Variants in ASXL2 observed in about 807,000 individuals in gnomAD.
The protein encoded by ASXL2 is ASXL transcriptional regulator 2.
In ASXL2, 23 loss-of-function variants were observed where a neutral mutation model predicts 122.0. That is an observed-to-expected ratio of 0.19 (90% CI 0.14 to 0.27). The LOEUF (loss-of-function observed/expected upper bound fraction) is 0.27, where lower values mean the gene tolerates loss of function less well. Among genes scored for constraint, ASXL2 ranks in the 10% least tolerant of loss-of-function variants. ASXL2 has a pLI of 1.00. For synonymous variants in ASXL2, 650 were observed against 637.0 expected (o/e 1.02, Z -0.31); for missense variants, 1,518 against 1,713.8 (o/e 0.89, Z 2.02).
intron 1 of ASXL2, among the ~76,000 whole-genome samples, chr2:25,873,849 C>T (rs2089987381): frequency 6.6e-6 from 1 of 152,068 alleles, no homozygotes; most frequent in Admixed American, 6.6e-5. Flanking sequence ...TACAATCACA[C>T]ACACTTGTCC....
At chr2:25,745,337 C>T (rs930408187) in intron 12 of ASXL2, among the ~76,000 whole-genome samples, 3 of 151,314 alleles carry the variant, frequency 2.0e-5, no homozygotes, top group African/African-American at 4.9e-5. Flanking sequence ...GTCTGCCACC[C>T]GAGTAGCTGG....
At chr2:25,828,508 C>CAAAA (rs753879104) in intron 3 of ASXL2, among the ~76,000 whole-genome samples, 20 of 100,082 alleles carry the variant, frequency 2.0e-4, no homozygotes, top group South Asian at 3.5e-4. Context: ...AACTCCATTT[C>CAAAA]AAAAAAAAAA....
At chr2:25,776,161 T>C (rs773170868) in intron 5 of ASXL2, among the ~76,000 whole-genome samples, 11 of 152,198 alleles carry the variant, frequency 7.2e-5, no homozygotes, top group Non-Finnish European at 1.5e-4. Flanking sequence ...CCGTTACTCA[T>C]CTTTTACCCC....
chr2:25,746,860 C>T (rs6747116), intron 12 of ASXL2, among the ~76,000 whole-genome samples: 113,421 of 152,098 alleles, frequency 0.75, 43,833 homozygotes, highest in Non-Finnish European at 0.83. Context: ...AGCCCTACCC[C>T]GGGAGAGCAG....
At position 25,740,682 on chromosome 2, in the gene ASXL2, TA is replaced by T. The variant is rs2087813606; in HGVS notation, c.*1346del. ...CAAAAACAAGCAACCAAAAAACCTT[TA>T]GGGCTCATTTTCCTTCCTTTCCAGA... On this transcript the variant is annotated 3_prime_UTR_variant, in exon 13 of 13. Coordinates refer to ENST00000435504, the MANE Select transcript of ASXL2 (RefSeq NM_018263.6). 4.5e-6 allele frequency: 1 copy of T among 222,278 alleles called. No homozygotes were observed. Among genetic ancestry groups the T allele is most frequent in the Non-Finnish European group, 9.0e-6 (1 of 111,256 alleles). The allele number at this position is 222,278 out of a possible 1,614,324, so 13.8% of individuals were successfully genotyped here.
At chr2:25,806,379 A>T (rs1210709257) in intron 3 of ASXL2, 42 bp from the exon 4 acceptor site, 2 of 1,369,552 alleles carry the variant, frequency 1.5e-6, no homozygotes, top group Non-Finnish European at 1.0e-6. Context: ...CACAACAATT[A>T]ATTTCTGTCT....
intron 11 of ASXL2, among the ~76,000 whole-genome samples, chr2:25,752,635 G>A: frequency 6.6e-6 from 1 of 152,046 alleles, no homozygotes; most frequent in East Asian, 1.9e-4. Flanking sequence ...ATCACCTGAA[G>A]TCAGGAGTTC....
intron 3 of ASXL2, among the ~76,000 whole-genome samples, chr2:25,813,602 G>A (rs1002186729): frequency 5.9e-5 from 9 of 152,122 alleles, no homozygotes; most frequent in African/African-American, 2.4e-5. Flanking sequence ...TGTACATAAA[G>A]TGCTTTAAGT....
At chr2:25,820,174 C>T (rs1022749398) in intron 3 of ASXL2, among the ~76,000 whole-genome samples, 6 of 152,112 alleles carry the variant, frequency 3.9e-5, no homozygotes, top group Admixed American at 6.5e-5. Context: ...CCTCAGCTCC[C>T]GAAGTGCTGA....
intron 2 of ASXL2, among the ~76,000 whole-genome samples, chr2:25,844,945 T>A (rs918633208): frequency 2.0e-5 from 3 of 152,206 alleles, no homozygotes; most frequent in African/African-American, 7.2e-5. Context: ...CCTGCTATTG[T>A]AATATAATAA....
chr2:25,804,739 T>C (rs1253183317), intron 4 of ASXL2, among the ~76,000 whole-genome samples: 1 of 152,186 alleles, frequency 6.6e-6, no homozygotes, highest in Non-Finnish European at 1.5e-5. Flanking sequence ...CTCTTCTCAG[T>C]GCAGGAATTT....
At chr2:25,753,069 G>A (rs2088072516) in intron 11 of ASXL2, among the ~76,000 whole-genome samples, 1 of 151,498 alleles carries the variant, frequency 6.6e-6, no homozygotes, top group Admixed American at 6.6e-5. Flanking sequence ...ACAGGTTCAA[G>A]CGATTCTCCT....
Position 25,771,557 on chromosome 2 carries a change from G to A in ASXL2, c.404-17C>T. The A allele has an allele frequency of 6.3e-7, 1 of 1,590,520 alleles. No homozygotes were observed. Among genetic ancestry groups the A allele is most frequent in the Non-Finnish European group, 8.6e-7 (1 of 1,161,730 alleles). ...ACGACGATACTAGGGAAAAAAAAGT[G>A]ACAATAAAAGATTTTTGTTAACAGA... On this transcript the variant is annotated splice_polypyrimidine_tract_variant and intron_variant, in intron 5 of 12. Transcript: ENST00000435504.
chr2:25,770,073 T>G (rs1044629465), intron 6 of ASXL2, among the ~76,000 whole-genome samples: 1 of 152,276 alleles, frequency 6.6e-6, no homozygotes, highest in African/African-American at 2.4e-5. Flanking sequence ...GTTCATAAAT[T>G]CCTGCAAGTG....
chr2:25,862,924 A>G (rs1480452051), intron 1 of ASXL2, among the ~76,000 whole-genome samples: 1 of 152,072 alleles, frequency 6.6e-6, no homozygotes, highest in African/African-American at 2.4e-5. Context: ...AGATTTTTAG[A>G]AGACATTAAT....
At chr2:25,771,266 C>T (rs1252581555) in intron 6 of ASXL2, among the ~76,000 whole-genome samples, 174 bp downstream of exon 6, 2 of 152,158 alleles carry the variant, frequency 1.3e-5, no homozygotes, top group African/African-American at 4.8e-5. Context: ...ACGTATGTAA[C>T]ATGTGTTACA....
chr2:25,838,872 C>A (rs565286968), intron 2 of ASXL2, among the ~76,000 whole-genome samples: 1 of 152,208 alleles, frequency 6.6e-6, no homozygotes, highest in Non-Finnish European at 1.5e-5. Flanking sequence ...GGACACATCT[C>A]TCTGAATCTT....
intron 1 of ASXL2, among the ~76,000 whole-genome samples, chr2:25,874,030 C>T (rs2089989937): frequency 1.3e-5 from 2 of 152,150 alleles, no homozygotes; most frequent in Non-Finnish European, 2.9e-5. Context: ...TTTAATGAGC[C>T]TAATTTTGAA....
intron 1 of ASXL2, chr2:25,856,624 CA>C: frequency 8.1e-7 from 1 of 1,240,998 alleles, no homozygotes; most frequent in Non-Finnish European, 1.2e-6. Context: ...ACAAGGTCAG[CA>C]ATGAAAATGT....
Sources: gnomAD v4.1 joint callset for allele counts (sites outside exome capture counted in the v4.1 genomes callset) on GRCh38, gnomAD v4.1.1 for gene constraint, MANE v1.5 for transcripts, NCBI Gene and HGNC (gene_info 2026-07-23, HGNC 2026-07-21) for gene names.